SLX4IP: variants seen among roughly 807,000 people sequenced by gnomAD.
SLX4IP encodes protein SLX4IP.
In SLX4IP, 34 loss-of-function variants were observed where a neutral mutation model predicts 32.9. The ratio of observed to expected loss-of-function variants is 1.03; its 90% CI spans 0.79 to 1.38. SLX4IP has a LOEUF of 1.38. Among genes scored for constraint, SLX4IP ranks in the 40% most tolerant of loss-of-function variants. The pLI is 0.00. For synonymous variants in SLX4IP, 172 were observed against 171.7 expected (o/e 1.00, Z -0.01); for missense variants, 444 against 479.0 (o/e 0.93, Z 0.68).
intron 2 of SLX4IP, among the ~76,000 whole-genome samples, chr20:10,540,688 G>A (rs770857474): frequency 6.6e-6 from 1 of 152,132 alleles, no homozygotes; most frequent in Non-Finnish European, 1.5e-5. Context: ...CCTTGAAGAG[G>A]GTGTTATTCC....
intron 2 of SLX4IP, among the ~76,000 whole-genome samples, chr20:10,546,373 A>G (rs2066162510): frequency 6.6e-6 from 1 of 152,210 alleles, no homozygotes; most frequent in Non-Finnish European, 1.5e-5. Context: ...TCGTAGAAGC[A>G]GTGTGTGGCC....
chr20:10,468,392 CT>C (rs1319966388), intron 2 of SLX4IP, among the ~76,000 whole-genome samples: 1 of 152,182 alleles, frequency 6.6e-6, no homozygotes, highest in African/African-American at 2.4e-5. Flanking sequence ...CATCATGTTA[CT>C]TCCTTGCTTA....
At chr20:10,495,255 ACTGT>A (rs1255438850) in intron 2 of SLX4IP, among the ~76,000 whole-genome samples, 1 of 152,028 alleles carries the variant, frequency 6.6e-6, no homozygotes, top group Non-Finnish European at 1.5e-5. Context: ...TTTTCTCCTT[ACTGT>A]CTGATTTTTT....
intron 2 of SLX4IP, among the ~76,000 whole-genome samples, chr20:10,498,542 T>G (rs796443903): frequency 1.2e-4 from 19 of 152,338 alleles, no homozygotes; most frequent in African/African-American, 4.6e-4. Context: ...AGTTTTGAAG[T>G]GTCTTAACAC....
At chr20:10,587,941 T>G (rs140900061) in intron 4 of SLX4IP, among the ~76,000 whole-genome samples, 2 of 152,228 alleles carry the variant, frequency 1.3e-5, no homozygotes, top group East Asian at 3.9e-4. Flanking sequence ...CTGACAATGA[T>G]TTTTTTGGAT....
At chr20:10,583,620 G>A (rs2066610936) in intron 4 of SLX4IP, among the ~76,000 whole-genome samples, 2 of 152,186 alleles carry the variant, frequency 1.3e-5, no homozygotes, top group South Asian at 4.1e-4. Context: ...GGCCTGATGA[G>A]GCTGGGGTCC....
At chr20:10,535,614 C>CCCGG (rs1443984612) in intron 2 of SLX4IP, among the ~76,000 whole-genome samples, 1 of 152,178 alleles carries the variant, frequency 6.6e-6, no homozygotes, top group African/African-American at 2.4e-5. Flanking sequence ...AGCTACTGCG[C>CCCGG]CCGGCCCAAG....
At chr20:10,602,961 C>G (rs766478062) in intron 6 of SLX4IP, among the ~76,000 whole-genome samples, 177 of 152,314 alleles carry the variant, frequency 1.2e-3, no homozygotes, top group Non-Finnish European at 2.3e-3. Flanking sequence ...CTTCTTCATC[C>G]ATCAGTCAAA....
At chr20:10,583,848 A>G (rs6040033) in intron 4 of SLX4IP, among the ~76,000 whole-genome samples, 75 of 152,344 alleles carry the variant, frequency 4.9e-4, no homozygotes, top group African/African-American at 1.8e-3. Flanking sequence ...ACAAAATTTA[A>G]AAGACTCTTT....
chr20:10,608,767 T>C (rs543966412), intron 6 of SLX4IP, among the ~76,000 whole-genome samples: 1 of 151,554 alleles, frequency 6.6e-6, no homozygotes, highest in Non-Finnish European at 1.5e-5. Context: ...TCTGAAGAAG[T>C]CTTCATTTAA....
rs1436020577 is a variant in SLX4IP at position 10,623,493 on chromosome 20, A to G, written c.*114A>G. 2.3e-5 allele frequency: 33 copies of G among 1,410,700 alleles called. No homozygotes were observed. The highest frequency in any genetic ancestry group is 7.3e-5 in the East Asian group (3 of 41,150). The allele number at this position is 1,410,700 out of a possible 1,614,324, so 87.4% of individuals were successfully genotyped here. A position where few individuals can be genotyped will look rare whatever the true frequency, so the allele number is the denominator to read the frequency against. On this transcript the variant is annotated 3_prime_UTR_variant, in exon 8 of 8. Coordinates refer to ENST00000334534, the MANE Select transcript of SLX4IP (RefSeq NM_001009608.3). ...AGGAATTAATTAGAATGACTAATTT[A>G]AATAGGAAGTGTGTTATCTGTGTTA...
At chr20:10,452,154 GGT>G (rs1320453868) in intron 1 of SLX4IP, among the ~76,000 whole-genome samples, 1 of 152,088 alleles carries the variant, frequency 6.6e-6, no homozygotes, top group Non-Finnish European at 1.5e-5. Context: ...TGTGAATTAT[GGT>G]GTCCTCCTCA....
At chr20:10,622,052 C>T (rs1332242353) in intron 7 of SLX4IP, among the ~76,000 whole-genome samples, 1 of 152,202 alleles carries the variant, frequency 6.6e-6, no homozygotes, top group East Asian at 1.9e-4. Flanking sequence ...TATATCGACA[C>T]TCTTTTGTCT....
intron 5 of SLX4IP, among the ~76,000 whole-genome samples, chr20:10,601,261 C>T (rs563726091): frequency 1.3e-5 from 2 of 152,092 alleles, no homozygotes; most frequent in Non-Finnish European, 2.9e-5. Flanking sequence ...CCTCCAGGGT[C>T]GGGGAGCTCT....
chr20:10,453,334 A>G (rs1600886814), intron 1 of SLX4IP, among the ~76,000 whole-genome samples: 1 of 72,420 alleles, frequency 1.4e-5, no homozygotes, highest in Admixed American at 1.4e-4. Context: ...GTGTGTGTGT[A>G]GATCTTCCTG....
chr20:10,444,940 G>A (rs551834734), intron 1 of SLX4IP, among the ~76,000 whole-genome samples: 79 of 152,174 alleles, frequency 5.2e-4, no homozygotes, highest in African/African-American at 1.8e-3. Flanking sequence ...CGTGGGAGGC[G>A]GATGGGCCCA....
Position 10,508,983 on chromosome 20 carries a change from G to A in SLX4IP, c.28-47248G>A, listed in dbSNP as rs542857737. 7.9e-5 allele frequency among the ~76,000 whole-genome samples: 12 copies of A among 152,258 alleles called. No individual in the cohort carries two copies. In the South Asian group the frequency reaches 2.5e-3, roughly 32 times the overall value. ...GCTGGCAGACACATTTGGATTTATG[G>A]CCTTCCCAAGAGAATCATGCTGAGG... is the stretch of plus-strand genomic sequence containing the variant. On this transcript the variant is annotated intron_variant, in intron 2 of 7. Transcript: ENST00000334534.
chr20:10,572,419 A>G (rs534176182), intron 4 of SLX4IP, among the ~76,000 whole-genome samples: 66 of 152,290 alleles, frequency 4.3e-4, no homozygotes, highest in African/African-American at 1.6e-3. Flanking sequence ...CCATGTGGGT[A>G]TCTTGGTTTA....
Position 10,435,375 on chromosome 20 carries a change from G to A in SLX4IP, c.-108G>A, listed in dbSNP as rs1161205017. On this transcript the variant is annotated 5_prime_UTR_variant, in exon 1 of 8. Coordinates refer to ENST00000334534, the MANE Select transcript of SLX4IP (RefSeq NM_001009608.3). ...TACCTGTGTAGTCCGAGTTTCCACA[G>A]CCAGGTACTACTCCGCCAGTGACCC... is the stretch of plus-strand genomic sequence containing the variant. 5 of 152,214 alleles carry A rather than the reference G, an allele frequency of 3.3e-5. No individual in the cohort carries two copies. The highest frequency in any genetic ancestry group is 9.7e-5 in the African/African-American group (4 of 41,428). 9.4% of individuals were successfully genotyped at this position (152,214 alleles called of 1,614,324 possible).
Sources: allele counts gnomAD v4.1 joint callset (sites outside exome capture counted in the v4.1 genomes callset), GRCh38; gene constraint gnomAD v4.1.1; transcripts MANE v1.5; gene names NCBI Gene and HGNC (gene_info 2026-07-23, HGNC 2026-07-21).